PRKAG2: variants seen among roughly 807,000 people sequenced by gnomAD.
The protein encoded by PRKAG2 is protein kinase AMP-activated non-catalytic subunit gamma 2, also known as 5'-AMP-activated protein kinase subunit gamma-2.
PRKAG2 carries 26 observed loss-of-function variants against 69.6 expected under a neutral mutation model. The observed-to-expected ratio is 0.37, with a 90% CI of 0.27 to 0.52. The LOEUF is 0.52. Among genes scored for constraint, PRKAG2 ranks in the 20% least tolerant of loss-of-function variants. The pLI is 0.90. For synonymous variants in PRKAG2, 293 were observed against 285.0 expected (o/e 1.03, Z -0.28); for missense variants, 557 against 740.0 (o/e 0.75, Z 2.87).
chr7:151,618,470 A>C (rs569909641), intron 5 of PRKAG2, among the ~76,000 whole-genome samples: 1 of 149,428 alleles, frequency 6.7e-6, no homozygotes, highest in East Asian at 2.0e-4. Context: ...AAATAAAATA[A>C]AATAAAATAG....
chr7:151,845,473 C>CA, intron 1 of PRKAG2, among the ~76,000 whole-genome samples: 1 of 56 alleles, frequency 0.018, no homozygotes, highest in East Asian at 0.17. Context: ...CGGTGGGGCC[C>CA]AGCCTCCAGG....
chr7:151,797,104 G>A (rs2077585703), intron 1 of PRKAG2, among the ~76,000 whole-genome samples: 1 of 152,068 alleles, frequency 6.6e-6, no homozygotes, highest in South Asian at 2.1e-4. Flanking sequence ...CGGCCACCCA[G>A]ACTTCAGAGA....
intron 5 of PRKAG2, among the ~76,000 whole-genome samples, chr7:151,621,186 T>C (rs1216022249): frequency 6.6e-6 from 1 of 152,260 alleles, no homozygotes; most frequent in Admixed American, 6.5e-5. Flanking sequence ...TATCTTCCTC[T>C]GGCTTTGATT....
At chr7:151,672,744 C>T (rs1231736967) in intron 4 of PRKAG2, among the ~76,000 whole-genome samples, 2 of 152,294 alleles carry the variant, frequency 1.3e-5, no homozygotes, top group East Asian at 3.9e-4. Context: ...ATTCCATCAT[C>T]TGTATACACC....
At chr7:151,568,621 T>G (rs897403930) in intron 11 of PRKAG2, 95 bp downstream of exon 11, 2 of 1,370,212 alleles carry the variant, frequency 1.5e-6, no homozygotes, top group Non-Finnish European at 2.0e-6. Flanking sequence ...ACTAACAATT[T>G]CTTCTACTGA....
intron 13 of PRKAG2, among the ~76,000 whole-genome samples, chr7:151,564,474 C>T (rs1316456315): frequency 6.6e-6 from 1 of 152,208 alleles, no homozygotes; most frequent in Non-Finnish European, 1.5e-5. Flanking sequence ...CATTGTTAAA[C>T]TTTGACAGTA....
intron 3 of PRKAG2, among the ~76,000 whole-genome samples, chr7:151,766,969 ATGTGG>A (rs1299921015): frequency 6.6e-6 from 1 of 152,190 alleles, no homozygotes; most frequent in Admixed American, 6.5e-5. Context: ...ACGTGACCTC[ATGTGG>A]AAGTAGGGTC....
intron 5 of PRKAG2, among the ~76,000 whole-genome samples, chr7:151,610,676 C>CAAAAACA (rs905067978): frequency 2.0e-5 from 3 of 148,228 alleles, no homozygotes; most frequent in South Asian, 2.1e-4. Flanking sequence ...GACTCCATCT[C>CAAAAACA]AAAAACAAAA....
Position 151,777,618 on chromosome 7 carries a change from C to A in PRKAG2, c.466+3534G>T, listed in dbSNP as rs368521565. Among the ~76,000 whole-genome samples, 1 of 152,204 alleles carries A rather than the reference C, an allele frequency of 6.6e-6. No homozygotes were observed. The highest frequency in any genetic ancestry group is 1.5e-5 in the Non-Finnish European group (1 of 68,038). ...AAGCAGCCTGAAGCCCTTGCAAACA[C>A]CTTGGCAGAGATCACGACAGCAGGA... On this transcript the variant is annotated intron_variant, in intron 3 of 15. Transcript: ENST00000287878. This position sits in a 1 kb window ranked among gnomAD's most constrained non-coding sequence, Gnocchi z 4.3.
intron 3 of PRKAG2, among the ~76,000 whole-genome samples, chr7:151,736,935 G>A (rs2073462308): frequency 6.6e-6 from 1 of 152,150 alleles, no homozygotes; most frequent in Non-Finnish European, 1.5e-5. Context: ...GTCGCCAATG[G>A]TAGAACCAGG....
chr7:151,845,352 A>G (rs1482838662), intron 1 of PRKAG2, among the ~76,000 whole-genome samples: 1 of 152,158 alleles, frequency 6.6e-6, no homozygotes, highest in African/African-American at 2.4e-5. Flanking sequence ...CTCCTGGCCC[A>G]GTGGTCCTCA....
At chr7:151,729,943 A>G (rs1190428177) in intron 3 of PRKAG2, among the ~76,000 whole-genome samples, 2 of 152,016 alleles carry the variant, frequency 1.3e-5, no homozygotes, top group Non-Finnish European at 2.9e-5. Flanking sequence ...GACAAACACT[A>G]CGTGATTCTA....
chr7:151,864,108 C>T (rs2080002099), intron 1 of PRKAG2, among the ~76,000 whole-genome samples: 1 of 152,150 alleles, frequency 6.6e-6, no homozygotes, highest in Admixed American at 6.5e-5. Flanking sequence ...CAGCCCTTGT[C>T]TTGAAATAGC....
chr7:151,558,602 G>A, intron 15 of PRKAG2: 1 of 946,158 alleles, frequency 1.1e-6, no homozygotes, highest in Non-Finnish European at 1.3e-6. Context: ...GGCGCTCCCT[G>A]AGTTCCACTC....
At chr7:151,766,673 C>G (rs1167237590) in intron 3 of PRKAG2, among the ~76,000 whole-genome samples, 1 of 152,210 alleles carries the variant, frequency 6.6e-6, no homozygotes, top group Non-Finnish European at 1.5e-5. Context: ...TTCACAGACA[C>G]CTGAAGACAG....
chr7:151,616,988 G>A (rs576136221), intron 5 of PRKAG2, among the ~76,000 whole-genome samples: 2 of 152,114 alleles, frequency 1.3e-5, no homozygotes, highest in African/African-American at 2.4e-5. Context: ...GGCCGGGCGC[G>A]GGGGCTCACG....
At chr7:151,622,047 C>T (rs1821646408) in intron 5 of PRKAG2, among the ~76,000 whole-genome samples, 1 of 152,172 alleles carries the variant, frequency 6.6e-6, no homozygotes, top group Non-Finnish European at 1.5e-5. Flanking sequence ...TTAAGCATGA[C>T]TACCTTTGTA....
At chr7:151,700,357 C>A (rs1020262878) in intron 3 of PRKAG2, among the ~76,000 whole-genome samples, 5 of 152,154 alleles carry the variant, frequency 3.3e-5, no homozygotes, top group Middle Eastern at 3.2e-3. Flanking sequence ...GTTTGTTAGA[C>A]ACGCAGACCT....
In PRKAG2 at chr7:151,578,559, G is replaced by A. The variant is rs138157098; in HGVS notation, c.865-2107C>T. 1.1e-3 allele frequency among the ~76,000 whole-genome samples: 169 copies of A among 152,276 alleles called. 1 individual carries two copies. The highest frequency in any genetic ancestry group is 2.1e-3 in the Non-Finnish European group (143 of 68,026). On this transcript the variant is annotated intron_variant, in intron 6 of 15. Transcript: ENST00000287878. ...AATATAGGGACTACTGGTGCGTTGA[G>A]GGAGCTCATCAATTATTTCACGCAT... is the stretch of plus-strand genomic sequence containing the variant.
Sources: gnomAD v4.1 joint callset for allele counts (sites outside exome capture counted in the v4.1 genomes callset) on GRCh38, gnomAD v4.1.1 for gene constraint, Gnocchi (gnomAD v3.1) non-coding constraint, MANE v1.5 for transcripts, NCBI Gene and HGNC (gene_info 2026-07-23, HGNC 2026-07-21) for gene names.